The following PAGE2B variants were observed in gnomAD, a reference collection of about 807,000 sequenced individuals.
The protein encoded by PAGE2B is putative G antigen family E member 3.
A neutral mutation model predicts 7.6 loss-of-function variants in PAGE2B; 5 were observed. That is an observed-to-expected ratio of 0.66 (90% CI 0.34 to 1.38). The LOEUF is 1.38. Among genes scored for constraint, PAGE2B ranks in the 40% most tolerant of loss-of-function variants. The probability of loss-of-function intolerance (pLI) is 0.04; values close to 1 mark genes in which losing one functional copy is unlikely to be tolerated. For synonymous variants in PAGE2B, 29 were observed against 26.7 expected (o/e 1.09, Z -0.27); for missense variants, 70 against 78.4 (o/e 0.89, Z 0.41).
At chrX:55,058,749 G>C in the PAGE2B span, among the ~76,000 whole-genome samples, 1 of 111,277 alleles carries the variant, frequency 9.0e-6, no homozygotes, top group Non-Finnish European at 1.9e-5. Flanking sequence ...TTGGAGATGA[G>C]AAGAGCCCAA....
At chrX:55,045,562 T>A in the PAGE2B span, among the ~76,000 whole-genome samples, 1 of 111,522 alleles carries the variant, frequency 9.0e-6, no homozygotes. Context: ...GGCTTTGGCA[T>A]GCTGAGCCCT....
the PAGE2B span, among the ~76,000 whole-genome samples, chrX:55,066,178 C>T: frequency 8.9e-6 from 1 of 112,040 alleles, no homozygotes; most frequent in Non-Finnish European, 1.9e-5. Flanking sequence ...GCAACCTCCA[C>T]CTCCCAGATT....
At chrX:55,051,495 G>A in the PAGE2B span, among the ~76,000 whole-genome samples, 45 of 111,725 alleles carry the variant, frequency 4.0e-4, no homozygotes, top group Middle Eastern at 4.6e-3. Flanking sequence ...TTTCTTGGAG[G>A]CTTTGTTCAT....
the PAGE2B span, among the ~76,000 whole-genome samples, chrX:55,068,426 G>T: frequency 4.5e-5 from 5 of 111,690 alleles, no homozygotes; most frequent in African/African-American, 1.6e-4. Context: ...GTACCATGCT[G>T]TTTTTGTTAC....
chrX:55,046,011 C>T, the PAGE2B span, among the ~76,000 whole-genome samples: 2 of 111,711 alleles, frequency 1.8e-5, no homozygotes, highest in Non-Finnish European at 3.8e-5. Context: ...ATCATAGAGG[C>T]ACGGAGGAGA....
the PAGE2B span, among the ~76,000 whole-genome samples, chrX:55,043,427 A>G: frequency 9.1e-6 from 1 of 110,443 alleles, no homozygotes; most frequent in Non-Finnish European, 1.9e-5. Flanking sequence ...GAAAATCTTC[A>G]CAATCTACAC....
chrX:55,076,736 T>C (rs2146467695), intron 3 of PAGE2B, 59 bp downstream of exon 3: 1 of 892,672 alleles, frequency 1.1e-6, no homozygotes, highest in South Asian at 2.4e-5. Flanking sequence ...ATGCATTGTA[T>C]TTTATGACAT....
At chrX:55,067,638 C>A in the PAGE2B span, among the ~76,000 whole-genome samples, 2 of 111,754 alleles carry the variant, frequency 1.8e-5, no homozygotes, top group African/African-American at 6.5e-5. Flanking sequence ...CACTGTCTTC[C>A]ACAGTGGTTG....
the PAGE2B span, among the ~76,000 whole-genome samples, chrX:55,066,820 T>C: frequency 9.0e-6 from 1 of 111,706 alleles, no homozygotes; most frequent in South Asian, 3.8e-4. Flanking sequence ...TGAATGTTGA[T>C]ATCTTTCTCT....
chrX:55,049,435 C>T, the PAGE2B span, among the ~76,000 whole-genome samples: 1 of 111,474 alleles, frequency 9.0e-6, no homozygotes, highest in South Asian at 3.8e-4. Flanking sequence ...CCATCTGGTC[C>T]TGGACTTTTT....
upstream of PAGE2B, among the ~76,000 whole-genome samples, chrX:55,071,509 A>G (rs1210076478): frequency 9.0e-6 from 1 of 111,326 alleles, no homozygotes; most frequent in East Asian, 2.8e-4. Flanking sequence ...ACCTTGGTGA[A>G]TCTGACCATT....
At chrX:55,038,969 C>T in the PAGE2B span, among the ~76,000 whole-genome samples, 3 of 111,219 alleles carry the variant, frequency 2.7e-5, no homozygotes, top group Admixed American at 2.9e-4. Flanking sequence ...GTCCAAAGAA[C>T]AAAGAGAAAT....
At chrX:55,062,384 A>G in the PAGE2B span, among the ~76,000 whole-genome samples, 4 of 111,769 alleles carry the variant, frequency 3.6e-5, no homozygotes, top group Non-Finnish European at 5.7e-5. Context: ...CCTGTTTGCT[A>G]TTTGTATGTC....
chrX:55,076,571 C>G lies in PAGE2B; in HGVS notation c.87C>G (p.Val29=). Residue 29 remains valine, a splice_region_variant and synonymous_variant, in exon 3 of 5, where the codon GTC becomes GTG. Coordinates refer to ENST00000374971, the MANE Select transcript of PAGE2B (RefSeq NM_001015038.3). ...CACACACACACTTACACCCTTAGGT[C>G]CAGGAGCCCACTGAGGAAAAACGTC... ...ESSQPVGSVI[V]QEPTEEKRQE... The G allele has an allele frequency of 8.3e-7, 1 of 1,200,227 alleles. No homozygotes were observed.
chrX:55,031,027 C>A, the PAGE2B span: 1 of 328,224 alleles, frequency 3.0e-6, no homozygotes, highest in Non-Finnish European at 6.1e-6. Flanking sequence ...CTGACTCAGC[C>A]CCACCCACCC....
At chrX:55,074,743 A>C, upstream of PAGE2B, among the ~76,000 whole-genome samples, 1 of 112,795 alleles carries the variant, frequency 8.9e-6, no homozygotes, top group East Asian at 2.8e-4. Context: ...ATGATGGTGA[A>C]GTTTTCTGAA....
At chrX:55,060,628 A>G in the PAGE2B span, among the ~76,000 whole-genome samples, 4 of 111,375 alleles carry the variant, frequency 3.6e-5, no homozygotes, top group Non-Finnish European at 5.7e-5. Flanking sequence ...CTTTGATGCA[A>G]TCCATTTGTC....
chrX:55,048,168 G>T, the PAGE2B span, among the ~76,000 whole-genome samples: 6 of 111,746 alleles, frequency 5.4e-5, no homozygotes, highest in Admixed American at 9.5e-5. Flanking sequence ...CTGTTCCATT[G>T]GTCTTTATCT....
chrX:55,076,894 A>G (rs1410915840), intron 3 of PAGE2B, among the ~76,000 whole-genome samples: 1 of 111,548 alleles, frequency 9.0e-6, no homozygotes, highest in East Asian at 2.8e-4. Context: ...GGGTATTTTC[A>G]TGGTTGCCAT....
Sources: gnomAD v4.1 joint callset for allele counts (sites outside exome capture counted in the v4.1 genomes callset) on GRCh38, gnomAD v4.1.1 for gene constraint, MANE v1.5 for transcripts, NCBI Gene and HGNC (gene_info 2026-07-23, HGNC 2026-07-21) for gene names.